DENND5A: variants seen among roughly 807,000 people sequenced by gnomAD.
The protein encoded by DENND5A is DENN domain containing 5A, also known as DENN domain-containing protein 5A.
DENND5A carries 64 observed loss-of-function variants against 140.3 expected under a neutral mutation model. The ratio of observed to expected loss-of-function variants is 0.46; its 90% CI spans 0.37 to 0.56. The LOEUF (loss-of-function observed/expected upper bound fraction) is 0.56. Ranked by LOEUF, DENND5A falls within the 20% of genes least tolerant of loss-of-function variation. DENND5A has a pLI of 0.00. For synonymous variants in DENND5A, 605 were observed against 607.7 expected (o/e 1.00, Z 0.07); for missense variants, 1,292 against 1,593.8 (o/e 0.81, Z 3.22).
rs369257578 is a variant in DENND5A, at chr11:9,142,677, T to C, written c.3511+45A>G. 42 of 1,611,944 alleles carry C rather than the reference T, an allele frequency of 2.6e-5. No homozygotes were observed. In the African/African-American group the frequency reaches 4.3e-4, roughly 16 times the overall value. On this transcript the variant is annotated intron_variant, in intron 21 of 22. Transcript: ENST00000328194. The stretch of plus-strand genomic sequence containing the variant: ...CATGCTATGCTGGTGAGTCCCCTTA[T>C]ATCTCTACATGCTTCTCCCACCCTC...
At position 9,145,708 on chromosome 11, in the gene DENND5A, T is replaced by G. The variant is rs1358584298; in HGVS notation, c.2965A>C (p.Met989Leu). 1 of 1,614,206 alleles carries G rather than the reference T, an allele frequency of 6.2e-7. No homozygotes were observed. Among genetic ancestry groups the G allele is most frequent in the Non-Finnish European group, 8.5e-7 (1 of 1,180,020 alleles). Residue 989 changes from methionine (M) to leucine (L), a missense_variant, in exon 17 of 23, where the codon ATG becomes CTG. Met to Leu is a conservative substitution (Grantham distance 15). This residue lies in a region of DENND5A where 498 missense variants were observed against 689.7 expected (regional missense o/e 0.72). Coordinates refer to ENST00000328194, the MANE Select transcript of DENND5A (RefSeq NM_015213.4). Reference protein sequence around the residue: ...ISGELGETQIMQIPRNVLEMT... With the variant: ...ISGELGETQILQIPRNVLEMT... Reference sequence around the variant, plus strand: ...TCTAGCACATTCCTGGGAATCTGCATGATCTGTGTCTCACCCAATTCTCCT... The same window carrying G: ...TCTAGCACATTCCTGGGAATCTGCAGGATCTGTGTCTCACCCAATTCTCCT...
chr11:9,154,605 A>G (rs959310884), intron 12 of DENND5A, among the ~76,000 whole-genome samples: 8 of 152,286 alleles, frequency 5.3e-5, no homozygotes, highest in African/African-American at 1.9e-4. Flanking sequence ...AGCTTGCTGT[A>G]TGTTTGTACT....
intron 19 of DENND5A, 85 bp from the exon 20 acceptor site, chr11:9,143,570 G>C: frequency 8.6e-7 from 1 of 1,156,760 alleles, no homozygotes; most frequent in East Asian, 2.3e-5. Flanking sequence ...AGGACACGGG[G>C]AGGGCCCATA....
chr11:9,209,393 G>A (rs1159207633), intron 1 of DENND5A, among the ~76,000 whole-genome samples: 2 of 152,206 alleles, frequency 1.3e-5, no homozygotes, highest in Non-Finnish European at 1.5e-5. Context: ...AGGTGAGCAT[G>A]ACCAGCTGAT....
intron 1 of DENND5A, among the ~76,000 whole-genome samples, chr11:9,243,097 A>AAC (rs1851309605): frequency 2.9e-5 from 4 of 138,434 alleles, no homozygotes; most frequent in Non-Finnish European, 4.5e-5. Flanking sequence ...CAAAAAAAAA[A>AAC]AAAAAAACAA....
intron 1 of DENND5A, among the ~76,000 whole-genome samples, chr11:9,236,232 A>C (rs968345369): frequency 6.6e-6 from 1 of 151,144 alleles, no homozygotes; most frequent in Non-Finnish European, 1.5e-5. Flanking sequence ...CAAAAAAAAA[A>C]AAAAAACAAA....
intron 17 of DENND5A, 186 bp downstream of exon 17, chr11:9,145,484 C>G (rs550675421): frequency 2.5e-5 from 17 of 677,154 alleles, no homozygotes; most frequent in African/African-American, 2.3e-4. Context: ...ATTGTTTAGA[C>G]AGGGTGGGGT....
At chr11:9,171,926 T>C (rs1848387467) in intron 8 of DENND5A, 1 of 151,924 alleles carries the variant, frequency 6.6e-6, no homozygotes, top group Non-Finnish European at 1.5e-5. Flanking sequence ...CTTCTGAAGA[T>C]GAAAGCTGTA....
At chr11:9,148,819 T>C (rs1345664085) in intron 15 of DENND5A, among the ~76,000 whole-genome samples, 1 of 152,166 alleles carries the variant, frequency 6.6e-6, no homozygotes, top group Non-Finnish European at 1.5e-5. Context: ...AAAAGACATG[T>C]CAGGGCTAGA....
chr11:9,230,186 G>C (rs1364976955), intron 1 of DENND5A, among the ~76,000 whole-genome samples: 1 of 146,494 alleles, frequency 6.8e-6, no homozygotes, highest in Non-Finnish European at 1.5e-5. Flanking sequence ...TGGGATTACA[G>C]GCATGAGCCA....
intron 1 of DENND5A, among the ~76,000 whole-genome samples, chr11:9,208,678 T>C (rs1849771841): frequency 1.3e-5 from 2 of 152,256 alleles, no homozygotes; most frequent in African/African-American, 4.8e-5. Context: ...TTTCAAATTC[T>C]GATAGGACCC....
intron 1 of DENND5A, among the ~76,000 whole-genome samples, chr11:9,207,920 T>C (rs1269028543): frequency 1.3e-5 from 2 of 152,216 alleles, no homozygotes; most frequent in Non-Finnish European, 2.9e-5. Flanking sequence ...TAATACGGTA[T>C]AGTAGAACGA....
intron 10 of DENND5A, 35 bp downstream of exon 10, chr11:9,169,821 G>T: frequency 1.6e-6 from 2 of 1,251,346 alleles, no homozygotes; most frequent in Non-Finnish European, 2.4e-6. Flanking sequence ...CAGCATGATA[G>T]CAAGGTCATC....
intron 5 of DENND5A, among the ~76,000 whole-genome samples, chr11:9,184,725 T>A (rs1163838202): frequency 2.0e-5 from 3 of 152,244 alleles, no homozygotes; most frequent in Non-Finnish European, 4.4e-5. Flanking sequence ...AAATGTGCAT[T>A]TTTTACGCAA....
chr11:9,227,723 C>G (rs1429320077), intron 1 of DENND5A, among the ~76,000 whole-genome samples: 1 of 151,726 alleles, frequency 6.6e-6, no homozygotes, highest in Non-Finnish European at 1.5e-5. Flanking sequence ...TATGGGAGGC[C>G]AAGATGGGAG....
chr11:9,236,337 G>C (rs1444443503), intron 1 of DENND5A, among the ~76,000 whole-genome samples: 1 of 151,894 alleles, frequency 6.6e-6, no homozygotes, highest in Non-Finnish European at 1.5e-5. Flanking sequence ...TTCGAGATCA[G>C]CCTGGCCAAT....
chr11:9,231,702 C>A (rs958374392), intron 1 of DENND5A, among the ~76,000 whole-genome samples: 1 of 99,212 alleles, frequency 1.0e-5, no homozygotes, highest in African/African-American at 3.9e-5. Context: ...GCAACAAGAG[C>A]GAAACTCCGT....
rs751201326 is a variant in DENND5A, at chr11:9,165,970, A to AT, written c.2152-4dup. The AT allele has an allele frequency of 6.2e-7, 1 of 1,614,096 alleles. No homozygotes were observed. The highest frequency in any genetic ancestry group is 8.5e-7 in the Non-Finnish European group (1 of 1,179,948). ...GTCCTGGCTTCCTGGATGTACTTCT[A>AT]TATCAAACAGAAAAATAAAGACCCT... On this transcript the variant is annotated splice_polypyrimidine_tract_variant and splice_region_variant and intron_variant, in intron 10 of 22. Coordinates refer to ENST00000328194, the MANE Select transcript of DENND5A (RefSeq NM_015213.4).
At chr11:9,145,205 A>G in intron 17 of DENND5A, 92 bp from the exon 18 acceptor site, 2 of 901,900 alleles carry the variant, frequency 2.2e-6, no homozygotes, top group Non-Finnish European at 1.8e-6. Context: ...GCTGCCTGCA[A>G]CCTGACCCCT....
Sources: allele counts gnomAD v4.1 joint callset (sites outside exome capture counted in the v4.1 genomes callset), GRCh38; gene constraint gnomAD v4.1.1; regional missense constraint gnomAD v4.1.1; transcripts MANE v1.5; gene names NCBI Gene and HGNC (gene_info 2026-07-23, HGNC 2026-07-21).